SHQ1: variants seen among roughly 807,000 people sequenced by gnomAD.
SHQ1 encodes the protein SHQ1, H/ACA ribonucleoprotein assembly factor.
In SHQ1, 49 loss-of-function variants were observed where a neutral mutation model predicts 53.8. That is an observed-to-expected ratio of 0.91 (90% CI 0.72 to 1.16). The LOEUF is 1.16. Among genes scored for constraint, SHQ1 ranks in the 50% most tolerant of loss-of-function variants. The pLI is 0.00. For synonymous variants in SHQ1, 243 were observed against 251.0 expected, an observed-to-expected ratio of 0.97 and a Z score of 0.30; for missense variants, 738 against 683.1, an observed-to-expected ratio of 1.08 and a Z score of -0.90.
At chr3:72,726,313 A>G in the SHQ1 span, among the ~76,000 whole-genome samples, 3 of 152,160 alleles carry the variant, frequency 2.0e-5, no homozygotes, top group East Asian at 1.9e-4. Context: ...CTTCTTGGGC[A>G]GGGCAGTAAG....
intron 3 of SHQ1, 110 bp downstream of exon 3, chr3:72,842,170 G>A (rs905576207): frequency 9.9e-6 from 12 of 1,216,372 alleles, no homozygotes; most frequent in Middle Eastern, 3.0e-4. Flanking sequence ...CCTTATACCT[G>A]AAGTATTTTC....
chr3:72,753,384 G>T, intron 10 of SHQ1: 1 of 985,392 alleles, frequency 1.0e-6, no homozygotes, highest in Non-Finnish European at 1.2e-6. Flanking sequence ...GAACAAAGAT[G>T]GTATTTTAAT....
At chr3:72,796,715 GA>G (rs972179339) in intron 9 of SHQ1, among the ~76,000 whole-genome samples, 1 of 151,898 alleles carries the variant, frequency 6.6e-6, no homozygotes, top group African/African-American at 2.4e-5. Flanking sequence ...TGCTACTCGG[GA>G]GGCTGAGGCA....
At position 72,817,245 on chromosome 3, in the gene SHQ1, A is replaced by AGTGACACGGGTTT; in HGVS notation, c.854_866dup (p.Glu290AsnfsTer5). 1.2e-6 allele frequency: 2 copies of AGTGACACGGGTTT among 1,613,142 alleles called. No homozygotes were observed. The highest frequency in any genetic ancestry group is 2.2e-5 in the South Asian group (2 of 90,884). On this transcript the variant is annotated frameshift_variant, in exon 7 of 11. Coordinates refer to ENST00000325599, the MANE Select transcript of SHQ1 (RefSeq NM_018130.3). LOFTEE classifies it high-confidence loss of function. ...ATGCACTTACATTCTTCTCTCCTTC[A>AGTGACACGGGTTT]GTGACACGGGTTTCATAGCAATATG...
intron 10 of SHQ1, among the ~76,000 whole-genome samples, chr3:72,778,650 AACACAT>A (rs1212260337): frequency 6.6e-6 from 1 of 152,184 alleles, no homozygotes; most frequent in Non-Finnish European, 1.5e-5. Flanking sequence ...ACATTCAAAA[AACACAT>A]ACAAACGGCA....
chr3:72,839,563 C>G (rs780333375), intron 4 of SHQ1, among the ~76,000 whole-genome samples: 2 of 152,178 alleles, frequency 1.3e-5, no homozygotes, highest in Admixed American at 6.5e-5. Flanking sequence ...ATTTTCAAGA[C>G]AGCCTTATAA....
intron 6 of SHQ1, among the ~76,000 whole-genome samples, chr3:72,823,101 A>G (rs1707531077): frequency 6.8e-6 from 1 of 148,018 alleles, no homozygotes; most frequent in Non-Finnish European, 1.5e-5. Flanking sequence ...GTAAGCCGAC[A>G]TTGTGCCACT....
At chr3:72,846,111 G>C in intron 1 of SHQ1, 3 of 1,143,426 alleles carry the variant, frequency 2.6e-6, no homozygotes, top group Middle Eastern at 2.3e-4. Flanking sequence ...CGGCACAACA[G>C]GTGAGCATTC....
rs973453924 is a variant in SHQ1 at position 72,776,453 on chromosome 3, A to G, written c.1181+16463T>C. Among the ~76,000 whole-genome samples the G allele has an allele frequency of 4.6e-5, 7 of 152,330 alleles. No homozygotes were observed. In the East Asian group the frequency reaches 9.6e-4, roughly 21 times the overall value. ...GCCTAGGTGTGTAGTAGGCTATGCC[A>G]TCTAGGTTTGTGTAAGTGCAATCTA... On this transcript the variant is annotated intron_variant, in intron 10 of 10. Coordinates refer to ENST00000325599, the MANE Select transcript of SHQ1 (RefSeq NM_018130.3).
chr3:72,790,316 G>A (rs542852908), intron 10 of SHQ1, among the ~76,000 whole-genome samples: 1 of 152,234 alleles, frequency 6.6e-6, no homozygotes, highest in South Asian at 2.1e-4. Context: ...TGCTACCTAC[G>A]TTTCAATAGG....
chr3:72,777,454 C>G (rs1199595086), intron 10 of SHQ1, among the ~76,000 whole-genome samples: 1 of 152,196 alleles, frequency 6.6e-6, no homozygotes, highest in Admixed American at 6.5e-5. Context: ...TGCTCAGCTT[C>G]ACTAGTAATT....
chr3:72,783,363 CTTTTTT>C (rs796866861), intron 10 of SHQ1, among the ~76,000 whole-genome samples: 1,802 of 129,130 alleles, frequency 0.014, 34 homozygotes, highest in African/African-American at 0.053. Context: ...TTTTTATACA[CTTTTTT>C]TTTTTTTTTT....
chr3:72,745,178 T>TA (rs1705237020), downstream of SHQ1, among the ~76,000 whole-genome samples: 4 of 152,038 alleles, frequency 2.6e-5, no homozygotes, highest in Admixed American at 6.6e-5. Flanking sequence ...TATAAAGTCT[T>TA]AAATATGGCC....
At chr3:72,821,198 A>T (rs1707466596) in intron 6 of SHQ1, among the ~76,000 whole-genome samples, 1 of 152,346 alleles carries the variant, frequency 6.6e-6, no homozygotes, top group Non-Finnish European at 1.5e-5. Context: ...TGACACTGAC[A>T]GTTATCTCTA....
At chr3:72,751,330 G>C (rs1705361058) in intron 10 of SHQ1, among the ~76,000 whole-genome samples, 1 of 151,962 alleles carries the variant, frequency 6.6e-6, no homozygotes, top group African/African-American at 2.4e-5. Flanking sequence ...TGAGGCAGGA[G>C]AATCACTTGA....
At chr3:72,767,592 T>C (rs1297370764) in intron 10 of SHQ1, among the ~76,000 whole-genome samples, 1 of 152,232 alleles carries the variant, frequency 6.6e-6, no homozygotes, top group African/African-American at 2.4e-5. Context: ...TCAACTAATT[T>C]GCTGGATACC....
the SHQ1 span, among the ~76,000 whole-genome samples, chr3:72,738,869 C>T: frequency 0.014 from 2,098 of 152,240 alleles, 41 homozygotes; most frequent in African/African-American, 0.046. Context: ...CCGCCCGGTC[C>T]GCGCGCACGC....
At chr3:72,788,824 TA>T (rs1163276175) in intron 10 of SHQ1, among the ~76,000 whole-genome samples, 1 of 152,114 alleles carries the variant, frequency 6.6e-6, no homozygotes, top group African/African-American at 2.4e-5. Flanking sequence ...CACTAAGGGT[TA>T]AATGGATTAA....
At chr3:72,842,222 C>G in intron 3 of SHQ1, 58 bp downstream of exon 3, 1 of 1,580,020 alleles carries the variant, frequency 6.3e-7, no homozygotes, top group Non-Finnish European at 8.6e-7. Context: ...CCTACAAATA[C>G]ACAGCATTCC....
Sources: gnomAD v4.1 joint callset for allele counts (sites outside exome capture counted in the v4.1 genomes callset) on GRCh38, gnomAD v4.1.1 for gene constraint, MANE v1.5 for transcripts, NCBI Gene and HGNC (gene_info 2026-07-23, HGNC 2026-07-21) for gene names.